Variants in SUFU observed in about 807,000 individuals in gnomAD.
The protein encoded by SUFU is suppressor of fused homolog.
Under a neutral mutation model 58.9 loss-of-function variants are expected in SUFU, and 7 were observed. That is an observed-to-expected ratio of 0.12 (90% confidence interval 0.07 to 0.22). The LOEUF (loss-of-function observed/expected upper bound fraction) is 0.22. Ranked by LOEUF, SUFU falls within the 10% of genes least tolerant of loss-of-function variation. SUFU has a pLI of 1.00. For missense variants in SUFU, 451 were observed against 641.3 expected (o/e 0.70, Z 3.20); for synonymous variants, 232 against 254.8 (o/e 0.91, Z 0.85).
chr10:102,544,141 C>A (rs2062831043), intron 2 of SUFU, among the ~76,000 whole-genome samples: 1 of 152,044 alleles, frequency 6.6e-6, no homozygotes, highest in Non-Finnish European at 1.5e-5. Context: ...ACTTCAAGTT[C>A]TAGCTCTATC....
At chr10:102,584,451 G>A (rs2063315992) in intron 3 of SUFU, among the ~76,000 whole-genome samples, 1 of 152,064 alleles carries the variant, frequency 6.6e-6, no homozygotes. Flanking sequence ...AAAATGCTAG[G>A]ATTACAGGCA....
intron 3 of SUFU, among the ~76,000 whole-genome samples, chr10:102,588,693 C>T (rs182377413): frequency 5.3e-5 from 8 of 152,222 alleles, no homozygotes; most frequent in Admixed American, 1.3e-4. Flanking sequence ...GCACTGAACC[C>T]GTAGATGGAT....
intron 3 of SUFU, among the ~76,000 whole-genome samples, chr10:102,559,146 A>T (rs1024640490): frequency 3.3e-5 from 5 of 152,230 alleles, no homozygotes; most frequent in Non-Finnish European, 7.3e-5. Flanking sequence ...TACAGGCAGT[A>T]AGAGAGACAT....
chr10:102,584,738 T>TA (rs1294453189), intron 3 of SUFU, among the ~76,000 whole-genome samples: 39 of 147,596 alleles, frequency 2.6e-4, no homozygotes, highest in African/African-American at 6.2e-4. Flanking sequence ...TTGTTTAGGT[T>TA]AAAAAAAAAA....
At chr10:102,507,917 G>A (rs1351272483) in intron 1 of SUFU, among the ~76,000 whole-genome samples, 1 of 150,168 alleles carries the variant, frequency 6.7e-6, no homozygotes, top group East Asian at 1.9e-4. Context: ...TCCACTGATG[G>A]TTTCTATTTG....
upstream of SUFU, chr10:102,503,956 C>A (rs952113228): frequency 6.2e-5 from 45 of 728,016 alleles, no homozygotes; most frequent in African/African-American, 6.8e-4. Context: ...CCCGCCGCCC[C>A]GAGGCACCCT....
At chr10:102,572,187 T>A (rs1164556564) in intron 3 of SUFU, among the ~76,000 whole-genome samples, 1 of 151,496 alleles carries the variant, frequency 6.6e-6, no homozygotes, top group Non-Finnish European at 1.5e-5. Context: ...TGCCTCAGCC[T>A]CCCGAGTAGC....
intron 2 of SUFU, among the ~76,000 whole-genome samples, chr10:102,521,720 C>T (rs1450009097): frequency 6.6e-6 from 1 of 152,214 alleles, no homozygotes; most frequent in African/African-American, 2.4e-5. Flanking sequence ...GAAGCCCCAA[C>T]CAGATCTCAA....
At position 102,617,334 on chromosome 10, in the gene SUFU, C is replaced by T. The variant is rs776868943; in HGVS notation, c.1202C>T (p.Thr401Ile). Residue 401 changes from threonine (T) to isoleucine (I), a missense_variant, in exon 10 of 12, where the codon ACA (threonine) becomes ATA (isoleucine). By Grantham distance (89) the Thr-to-Ile change is moderately conservative. Coordinates refer to ENST00000369902, the MANE Select transcript of SUFU (RefSeq NM_016169.4). The surrounding 1 kb of genome is among the most constrained non-coding windows in gnomAD (Gnocchi z 4.4). ...CGGCACTTTACATATAAAAGTATCA[C>T]AGGTGACATGGCCATCACGTTTGTC... is the stretch of plus-strand genomic sequence containing the variant. ...HGRHFTYKSI[T>I]GDMAITFVST... 6.2e-7 allele frequency: 1 copy of T among 1,614,248 alleles called. No individual in the cohort carries two copies. The highest frequency in any genetic ancestry group is 8.5e-7 in the Non-Finnish European group (1 of 1,180,050).
In SUFU at chr10:102,617,365, G is replaced by C. The variant is rs1340478666; in HGVS notation, c.1233G>C (p.Thr411=). 1.2e-6 allele frequency: 2 copies of C among 1,614,208 alleles called. No homozygotes were observed. Among genetic ancestry groups the C allele is most frequent in the Non-Finnish European group, 1.7e-6 (2 of 1,180,020 alleles). ...TGDMAITFVS[T]GVEGAFATEE... is the part of the protein sequence containing the mutation. ...ACATGGCCATCACGTTTGTCTCCAC[G>C]GGAGTGGAAGGCGCCTTTGCCACTG... Residue 411 remains threonine, a synonymous_variant, in exon 10 of 12, where the codon ACG becomes ACC. Transcript: ENST00000369902. The surrounding 1 kb of genome is among the most constrained non-coding windows in gnomAD (Gnocchi z 4.4).
intron 2 of SUFU, among the ~76,000 whole-genome samples, chr10:102,543,201 C>A (rs921334156): frequency 6.6e-6 from 1 of 152,146 alleles, no homozygotes; most frequent in Non-Finnish European, 1.5e-5. Context: ...TGTCTCTTCC[C>A]CCACAACCTC....
At chr10:102,602,627 C>T (rs2063524863) in intron 8 of SUFU, among the ~76,000 whole-genome samples, 1 of 152,352 alleles carries the variant, frequency 6.6e-6, no homozygotes, top group African/African-American at 2.4e-5. Flanking sequence ...TGTGCAGAAA[C>T]TAAAACAACC....
chr10:102,592,793 G>T, intron 4 of SUFU, 69 bp downstream of exon 4: 2 of 1,580,180 alleles, frequency 1.3e-6, no homozygotes, highest in Non-Finnish European at 1.7e-6. Context: ...AAGGAGGCTT[G>T]AGGAGGGGGA....
intron 3 of SUFU, among the ~76,000 whole-genome samples, chr10:102,560,767 A>G (rs893503547): frequency 6.6e-6 from 1 of 151,862 alleles, no homozygotes; most frequent in East Asian, 1.9e-4. Flanking sequence ...GGTCATTTCT[A>G]ATTTTTTCCT....
At chr10:102,592,243 G>A (rs949504266) in intron 3 of SUFU, among the ~76,000 whole-genome samples, 2 of 152,116 alleles carry the variant, frequency 1.3e-5, no homozygotes, top group Non-Finnish European at 2.9e-5. Context: ...TTCTTTCTTG[G>A]CAGATCCAGT....
chr10:102,515,315 CTTT>C (rs35257917), intron 2 of SUFU, among the ~76,000 whole-genome samples: 3 of 130,212 alleles, frequency 2.3e-5, no homozygotes, highest in Non-Finnish European at 1.6e-5. Context: ...TTTGCCGGAA[CTTT>C]TTTTTTTTTT....
In SUFU at chr10:102,633,091, A is replaced by G. The variant is rs1206732370; in HGVS notation, c.*2936A>G. The G allele has an allele frequency of 8.6e-6, 2 of 233,292 alleles. No homozygotes were observed. Among genetic ancestry groups the G allele is most frequent in the Non-Finnish European group, 1.7e-5 (2 of 118,094 alleles). The allele number at this position is 233,292 out of a possible 1,614,324, so 14.5% of individuals were successfully genotyped here. ...TTCGGATTGAGTTGCAAGCAGGGAGAAAACCTGAAGGTCGGTGCCCCTATG... is the reference window on the plus strand; with the variant it reads ...TTCGGATTGAGTTGCAAGCAGGGAGGAAACCTGAAGGTCGGTGCCCCTATG... On this transcript the variant is annotated 3_prime_UTR_variant, in exon 12 of 12. Transcript: ENST00000369902.
intron 3 of SUFU, among the ~76,000 whole-genome samples, chr10:102,568,949 T>TACAC (rs1396504288): frequency 4.8e-5 from 5 of 103,726 alleles, no homozygotes; most frequent in Admixed American, 1.2e-4. Flanking sequence ...TATATATATA[T>TACAC]ATATATATAT....
intron 8 of SUFU, 42 bp downstream of exon 8, chr10:102,599,586 T>A: frequency 6.5e-7 from 1 of 1,548,590 alleles, no homozygotes; most frequent in Non-Finnish European, 8.9e-7. Context: ...AGAGGACGAC[T>A]TTTTTCTGAA....
Sources: gnomAD v4.1 joint callset for allele counts (sites outside exome capture counted in the v4.1 genomes callset) on GRCh38, gnomAD v4.1.1 for gene constraint, Gnocchi (gnomAD v3.1) non-coding constraint, MANE v1.5 for transcripts, NCBI Gene and HGNC (gene_info 2026-07-23, HGNC 2026-07-21) for gene names.